Variants in BCAT1 observed in about 807,000 individuals in gnomAD.
The protein encoded by BCAT1 is branched chain amino acid transaminase 1, also known as branched-chain-amino-acid aminotransferase, cytosolic.
BCAT1 carries 48 observed loss-of-function variants against 52.4 expected under a neutral mutation model. The ratio of observed to expected loss-of-function variants is 0.92; its 90% confidence interval spans 0.73 to 1.16. The LOEUF (loss-of-function observed/expected upper bound fraction) is 1.16, where lower values mean the gene tolerates loss of function less well. BCAT1 is among the 50% of genes most tolerant of loss of function. The probability of loss-of-function intolerance (pLI) is 0.00; values close to 1 mark genes in which losing one functional copy is unlikely to be tolerated. For synonymous variants in BCAT1, 167 were observed against 161.3 expected (o/e 1.04, Z -0.27); for missense variants, 451 against 457.1 (o/e 0.99, Z 0.12).
chr12:24,887,086 T>A (rs1319211648), intron 3 of BCAT1, among the ~76,000 whole-genome samples: 4,467 of 28,454 alleles, frequency 0.16, 156 homozygotes, highest in African/African-American at 0.26. Context: ...AAAAAATATA[T>A]ATATATATAT....
intron 6 of BCAT1, among the ~76,000 whole-genome samples, chr12:24,848,620 T>G (rs1941412465): frequency 2.0e-5 from 3 of 152,228 alleles, no homozygotes; most frequent in African/African-American, 7.2e-5. Flanking sequence ...ATTTACTCTC[T>G]ATATATGGTA....
At chr12:24,918,338 C>T (rs938000606) in intron 1 of BCAT1, among the ~76,000 whole-genome samples, 1 of 152,200 alleles carries the variant, frequency 6.6e-6, no homozygotes, top group Non-Finnish European at 1.5e-5. Flanking sequence ...AGGTAACCGG[C>T]CAGTGCTCCC....
intron 5 of BCAT1, among the ~76,000 whole-genome samples, chr12:24,851,861 A>G (rs1339177583): frequency 6.6e-6 from 1 of 152,136 alleles, no homozygotes; most frequent in African/African-American, 2.4e-5. Context: ...TTAACCTCTC[A>G]GTTAAGAAAT....
chr12:24,842,527 CTA>C (rs1288870304), intron 6 of BCAT1, among the ~76,000 whole-genome samples: 2 of 151,228 alleles, frequency 1.3e-5, no homozygotes, highest in African/African-American at 2.5e-5. Flanking sequence ...TTAAAAGTTA[CTA>C]TGTTTCCACA....
At chr12:24,870,391 G>A (rs1942149455) in intron 5 of BCAT1, among the ~76,000 whole-genome samples, 1 of 152,198 alleles carries the variant, frequency 6.6e-6, no homozygotes, top group African/African-American at 2.4e-5. Context: ...GAAAAAAGTA[G>A]AGATGAAAGT....
intron 5 of BCAT1, among the ~76,000 whole-genome samples, chr12:24,856,018 AC>A (rs1425686873): frequency 6.6e-6 from 1 of 152,154 alleles, no homozygotes; most frequent in East Asian, 1.9e-4. Context: ...GTAAGCCCCT[AC>A]TTCAGGATAT....
chr12:24,874,756 G>A (rs1202604146), intron 5 of BCAT1, among the ~76,000 whole-genome samples: 1 of 152,174 alleles, frequency 6.6e-6, no homozygotes, highest in Non-Finnish European at 1.5e-5. Flanking sequence ...GGTCTGGGCT[G>A]GGGCCCAACA....
intron 3 of BCAT1, among the ~76,000 whole-genome samples, chr12:24,881,762 C>G (rs578198552): frequency 6.6e-6 from 1 of 152,156 alleles, no homozygotes; most frequent in Non-Finnish European, 1.5e-5. Context: ...CAATGGAGAT[C>G]GAAACCAAAG....
At chr12:24,911,661 G>T (rs976726571) in intron 1 of BCAT1, among the ~76,000 whole-genome samples, 4 of 152,130 alleles carry the variant, frequency 2.6e-5, no homozygotes, top group Non-Finnish European at 5.9e-5. Flanking sequence ...AGCTTAGTCT[G>T]TGGGCTCCTG....
rs1939881670 is a variant in BCAT1, at chr12:24,816,499, C to T, written c.*1509G>A. ...CACCCATAGTAGCTCTCCCTGCATCCTAACCACTTGCTCATCAAATCTCCA... is the reference window on the plus strand; with the variant it reads ...CACCCATAGTAGCTCTCCCTGCATCTTAACCACTTGCTCATCAAATCTCCA... On this transcript the variant is annotated 3_prime_UTR_variant, in exon 11 of 11. Coordinates refer to ENST00000261192, the MANE Select transcript of BCAT1 (RefSeq NM_005504.7). The T allele has an allele frequency of 7.5e-6, 3 of 397,522 alleles. No individual in the cohort carries two copies. The highest frequency in any genetic ancestry group is 4.1e-5 in the African/African-American group (2 of 48,398). 24.6% of individuals were successfully genotyped at this position (397,522 alleles called of 1,614,324 possible). A position where few individuals can be genotyped will look rare whatever the true frequency, so the allele number is the denominator to read the frequency against.
chr12:24,835,869 G>GCATGAAC (rs1159597786), intron 8 of BCAT1, among the ~76,000 whole-genome samples: 1 of 152,084 alleles, frequency 6.6e-6, no homozygotes, highest in Non-Finnish European at 1.5e-5. Flanking sequence ...AGAATTATAG[G>GCATGAAC]CATGAACCAC....
rs974304205 is a variant in BCAT1, at chr12:24,830,014, C to G, written c.1045-117G>C. The G allele has an allele frequency of 1.7e-5, 11 of 647,698 alleles. No individual in the cohort carries two copies. In the African/African-American group the frequency reaches 1.9e-4, roughly 11 times the overall value. The allele number at this position is 647,698 out of a possible 1,614,324, so 40.1% of individuals were successfully genotyped here. A position where few individuals can be genotyped will look rare whatever the true frequency, so the allele number is the denominator to read the frequency against. ...CAATTCCACTGAAGTTAAGGAATAG[C>G]ACTAAAACCTACTGACTCTGAGTGC... On this transcript the variant is annotated intron_variant, in intron 9 of 10. Transcript: ENST00000261192.
At chr12:24,887,115 C>T (rs1426188439) in intron 3 of BCAT1, among the ~76,000 whole-genome samples, 1 of 67,566 alleles carries the variant, frequency 1.5e-5, no homozygotes, top group East Asian at 5.0e-4. Flanking sequence ...ATATATAAAG[C>T]TGATAAGCCC....
At position 24,829,870 on chromosome 12, in the gene BCAT1, C is replaced by CA; in HGVS notation, c.1071dup (p.Gly358TrpfsTer3). 6.2e-7 allele frequency: 1 copy of CA among 1,611,062 alleles called. No homozygotes were observed. The highest frequency in any genetic ancestry group is 8.5e-7 in the Non-Finnish European group (1 of 1,178,360). ...AAGATGCGGCTTGCCAGCTTAGGAC[C>CA]ATTCTCCATAGTTGGAATGTGTATT... On this transcript the variant is annotated frameshift_variant, in exon 10 of 11. Coordinates refer to ENST00000261192, the MANE Select transcript of BCAT1 (RefSeq NM_005504.7). LOFTEE classifies it high-confidence loss of function.
At chr12:24,924,910 G>C (rs1394681307) in intron 1 of BCAT1, among the ~76,000 whole-genome samples, 1 of 152,088 alleles carries the variant, frequency 6.6e-6, no homozygotes, top group Non-Finnish European at 1.5e-5. Context: ...TCAGTACTTG[G>C]GAGAAAGAGA....
chr12:24,819,455 A>G, intron 10 of BCAT1, among the ~76,000 whole-genome samples: 1 of 152,166 alleles, frequency 6.6e-6, no homozygotes, highest in Non-Finnish European at 1.5e-5. Context: ...ACTTCAGAAC[A>G]ATCCTACTTT....
rs141354703 is a variant in BCAT1, at chr12:24,833,628, C to T, written c.904-765G>A. ...TTATAGCTACCATTTATCAAGCACC[C>T]GCTATTATGCCAAGTTCTGTAATTT... On this transcript the variant is annotated intron_variant, in intron 8 of 10. Coordinates refer to ENST00000261192, the MANE Select transcript of BCAT1 (RefSeq NM_005504.7). Among the ~76,000 whole-genome samples, 296 of 152,136 alleles carry T rather than the reference C, an allele frequency of 1.9e-3. 6 individuals carry two copies. The highest frequency in any genetic ancestry group is 0.011 in the Admixed American group (172 of 15,264).
chr12:24,830,593 C>G (rs1462780988), intron 9 of BCAT1: 1 of 152,086 alleles, frequency 6.6e-6, no homozygotes, highest in Non-Finnish European at 1.5e-5. Flanking sequence ...TCATATTATA[C>G]CCTTTAGTAT....
chr12:24,850,496 G>A (rs952606009), intron 5 of BCAT1, among the ~76,000 whole-genome samples: 4 of 152,126 alleles, frequency 2.6e-5, no homozygotes, highest in Non-Finnish European at 5.9e-5. Flanking sequence ...TTCAACAGAG[G>A]GATAAGTACT....
Sources: gnomAD v4.1 joint callset for allele counts (sites outside exome capture counted in the v4.1 genomes callset) on GRCh38, gnomAD v4.1.1 for gene constraint, MANE v1.5 for transcripts, NCBI Gene and HGNC (gene_info 2026-07-23, HGNC 2026-07-21) for gene names.